Variants in LRP1B observed in about 807,000 individuals in gnomAD.
The protein encoded by LRP1B is low-density lipoprotein receptor-related protein 1B.
A neutral mutation model predicts 556.6 loss-of-function variants in LRP1B; 217 were observed. The ratio of observed to expected loss-of-function variants is 0.39; its 90% CI spans 0.35 to 0.44. LRP1B has a LOEUF of 0.44. Ranked by LOEUF, LRP1B falls within the 20% of genes least tolerant of loss-of-function variation. The pLI is 1.00. For missense variants in LRP1B, 5,053 were observed against 5,620.8 expected, an observed-to-expected ratio of 0.90 and a Z score of 3.23; for synonymous variants, 2,047 against 1,865.8, an observed-to-expected ratio of 1.10 and a Z score of -2.50.
chr2:140,409,963 A>G (rs1684902105), intron 66 of LRP1B, among the ~76,000 whole-genome samples: 2 of 152,070 alleles, frequency 1.3e-5, no homozygotes, highest in Non-Finnish European at 2.9e-5. Context: ...ACATGTCAAG[A>G]GTTGTGCCAG....
intron 2 of LRP1B, among the ~76,000 whole-genome samples, chr2:141,488,550 C>T (rs1264073656): frequency 6.6e-6 from 1 of 152,064 alleles, no homozygotes; most frequent in Non-Finnish European, 1.5e-5. Context: ...CCTTGACCTC[C>T]CTGGCTCAAG....
At chr2:141,802,407 C>T (rs1262118159) in intron 2 of LRP1B, among the ~76,000 whole-genome samples, 1 of 152,080 alleles carries the variant, frequency 6.6e-6, no homozygotes, top group Non-Finnish European at 1.5e-5. Context: ...CAATTTCTGC[C>T]ATCCTGAAAA....
At chr2:141,064,440 C>T (rs1360758335) in intron 7 of LRP1B, among the ~76,000 whole-genome samples, 1 of 151,826 alleles carries the variant, frequency 6.6e-6, no homozygotes, top group East Asian at 1.9e-4. Context: ...GCAACTGATT[C>T]TCATATTTTT....
intron 3 of LRP1B, among the ~76,000 whole-genome samples, chr2:141,425,506 C>T (rs1273568613): frequency 6.7e-6 from 1 of 150,336 alleles, no homozygotes; most frequent in Non-Finnish European, 1.5e-5. Context: ...CTGACTTCCA[C>T]AATGGTTGAA....
chr2:140,864,171 T>C (rs1692881594), intron 27 of LRP1B, among the ~76,000 whole-genome samples: 1 of 151,952 alleles, frequency 6.6e-6, no homozygotes, highest in Non-Finnish European at 1.5e-5. Context: ...ATAATCAAGT[T>C]AGCTGCTATT....
At chr2:140,683,817 C>T in intron 41 of LRP1B, 1 of 685,222 alleles carries the variant, frequency 1.5e-6, no homozygotes, top group South Asian at 1.6e-5. Context: ...TAGGGGATGC[C>T]TTCCATGCGC....
At chr2:141,301,125 A>G (rs1686377453) in intron 3 of LRP1B, among the ~76,000 whole-genome samples, 1 of 152,082 alleles carries the variant, frequency 6.6e-6, no homozygotes, top group African/African-American at 2.4e-5. Flanking sequence ...CATGACTTGG[A>G]AGATATTTTC....
intron 1 of LRP1B, among the ~76,000 whole-genome samples, chr2:141,991,759 T>G (rs1001059190): frequency 1.3e-5 from 2 of 152,054 alleles, no homozygotes. Flanking sequence ...GCAAAGCCTG[T>G]AGTTTTCAAC....
intron 32 of LRP1B, among the ~76,000 whole-genome samples, chr2:140,782,288 G>C (rs1345522777): frequency 2.0e-5 from 3 of 152,204 alleles, no homozygotes; most frequent in Non-Finnish European, 4.4e-5. Context: ...ACTTCAGACT[G>C]AGACTGTATT....
intron 3 of LRP1B, among the ~76,000 whole-genome samples, chr2:141,393,978 T>C (rs1226595080): frequency 6.6e-6 from 1 of 152,174 alleles, no homozygotes; most frequent in African/African-American, 2.4e-5. Flanking sequence ...CTGTATCTAT[T>C]ATATGATGCT....
intron 3 of LRP1B, among the ~76,000 whole-genome samples, chr2:141,305,347 T>C (rs1018250940): frequency 6.6e-6 from 1 of 152,208 alleles, no homozygotes; most frequent in Admixed American, 6.5e-5. Flanking sequence ...TTTATTTTTG[T>C]AGCTATTGTA....
intron 83 of LRP1B, among the ~76,000 whole-genome samples, chr2:140,299,775 C>A (rs1274551504): frequency 6.6e-6 from 1 of 151,848 alleles, no homozygotes; most frequent in Non-Finnish European, 1.5e-5. Context: ...TCAATGGATA[C>A]CTTACAGAGA....
At chr2:141,325,061 T>C (rs1355645508) in intron 3 of LRP1B, among the ~76,000 whole-genome samples, 2 of 152,072 alleles carry the variant, frequency 1.3e-5, no homozygotes, top group Non-Finnish European at 1.5e-5. Flanking sequence ...AATAAAATAT[T>C]TGTAATAACA....
chr2:142,021,993 A>G (rs1400054677), intron 1 of LRP1B, among the ~76,000 whole-genome samples: 1 of 152,204 alleles, frequency 6.6e-6, no homozygotes, highest in African/African-American at 2.4e-5. Flanking sequence ...TTTCTACTTC[A>G]TAAAAACGTA....
chr2:141,128,043 C>A (rs1237911867), intron 7 of LRP1B, among the ~76,000 whole-genome samples: 1 of 152,084 alleles, frequency 6.6e-6, no homozygotes, highest in Admixed American at 6.6e-5. Context: ...AGGCTAGAAG[C>A]AATCACAGCT....
At chr2:141,788,512 T>C (rs537190259) in intron 2 of LRP1B, among the ~76,000 whole-genome samples, 2 of 152,060 alleles carry the variant, frequency 1.3e-5, no homozygotes, top group African/African-American at 2.4e-5. Context: ...ACTATTATTC[T>C]TTTTTATTCA....
intron 6 of LRP1B, among the ~76,000 whole-genome samples, chr2:141,199,029 C>G (rs1029659467): frequency 2.6e-5 from 4 of 152,136 alleles, no homozygotes; most frequent in African/African-American, 9.7e-5. Flanking sequence ...TCTAGACCCA[C>G]TGTAAAGTTC....
At chr2:141,032,243 T>C (rs1698393212) in intron 11 of LRP1B, among the ~76,000 whole-genome samples, 1 of 152,144 alleles carries the variant, frequency 6.6e-6, no homozygotes, top group Non-Finnish European at 1.5e-5. Flanking sequence ...GGCTACTTAA[T>C]ATTATTGCTA....
chr2:140,485,343 C>A lies in LRP1B; in HGVS notation c.9425G>T (p.Gly3142Val), dbSNP rs2105362441. Residue 3142 changes from glycine to valine, a missense_variant and splice_region_variant, in exon 59 of 91, where the codon GGA (glycine) becomes GTA (valine). By Grantham distance (109) the Gly-to-Val change is moderately radical. Around this residue, in one of 5 missense-constraint regions of LRP1B, gnomAD observed 3,619 missense variants for 3,931.9 expected, o/e 0.92. Transcript: ENST00000389484. Reference protein sequence around the residue: ...PRDLSLDPQAGYLYWIDCCEY... With the variant: ...PRDLSLDPQAVYLYWIDCCEY... ...AAGATTTTTAACAGTTTTTACAAACCCAGCTTGAGGATCTAAAGACAAGTC... is the reference window on the plus strand; with the variant it reads ...AAGATTTTTAACAGTTTTTACAAACACAGCTTGAGGATCTAAAGACAAGTC... The A allele has an allele frequency of 6.2e-7, 1 of 1,604,436 alleles. No homozygotes were observed. The highest frequency in any genetic ancestry group is 8.5e-7 in the Non-Finnish European group (1 of 1,176,284).
Sources: allele counts gnomAD v4.1 joint callset (sites outside exome capture counted in the v4.1 genomes callset), GRCh38; gene constraint gnomAD v4.1.1; regional missense constraint gnomAD v4.1.1; transcripts MANE v1.5; gene names NCBI Gene and HGNC (gene_info 2026-07-23, HGNC 2026-07-21).